The following BTRC variants were observed in gnomAD, a reference collection of about 807,000 sequenced individuals.
BTRC encodes beta-transducin repeat containing E3 ubiquitin protein ligase, also known as F-box/WD repeat-containing protein 1A.
Under a neutral mutation model 85.5 loss-of-function variants are expected in BTRC, and 42 were observed. The ratio of observed to expected loss-of-function variants is 0.49; its 90% CI spans 0.38 to 0.64. The LOEUF is 0.64. Among genes scored for constraint, BTRC ranks in the 30% least tolerant of loss-of-function variants. The probability of loss-of-function intolerance (pLI) is 0.00; values close to 1 mark genes in which losing one functional copy is unlikely to be tolerated. For synonymous variants in BTRC, 255 were observed against 263.3 expected, an observed-to-expected ratio of 0.97 and a Z score of 0.30; for missense variants, 594 against 743.5, an observed-to-expected ratio of 0.80 and a Z score of 2.34.
chr10:101,523,429 A>G (rs925013954), intron 5 of BTRC, among the ~76,000 whole-genome samples: 1 of 152,128 alleles, frequency 6.6e-6, no homozygotes, highest in Non-Finnish European at 1.5e-5. Context: ...GGGGAATGCT[A>G]TTTCAGGAAA....
intron 9 of BTRC, 40 bp downstream of exon 9, chr10:101,533,110 A>G: frequency 7.1e-7 from 1 of 1,407,934 alleles, no homozygotes; most frequent in African/African-American, 1.4e-5. Context: ...CTGAAATATC[A>G]GCTCTGCTCT....
chr10:101,385,199 A>G (rs1943033818), intron 1 of BTRC, among the ~76,000 whole-genome samples: 1 of 124,566 alleles, frequency 8.0e-6, no homozygotes, highest in Non-Finnish European at 1.9e-5. Context: ...TCCTGTCTCT[A>G]AAAAAAAGAA....
At chr10:101,447,651 G>A (rs954609272) in intron 2 of BTRC, among the ~76,000 whole-genome samples, 3 of 152,016 alleles carry the variant, frequency 2.0e-5, no homozygotes, top group African/African-American at 7.2e-5. Flanking sequence ...ATTGATGATA[G>A]CTAATAACAG....
chr10:101,402,092 GTC>G lies in BTRC; in HGVS notation c.49-28247_49-28246del, dbSNP rs1489127944. On this transcript the variant is annotated intron_variant, in intron 1 of 14. Transcript: ENST00000370187. ...TATTAATTTGCTTTGGGTCATTCTA[GTC>G]TCTCTGGTAAATTCATAATTAGGAA... Among the ~76,000 whole-genome samples, 9 of 152,218 alleles carry G rather than the reference GTC, an allele frequency of 5.9e-5. No homozygotes were observed. In the East Asian group the frequency reaches 9.6e-4, roughly 16 times the overall value.
At chr10:101,386,451 GCTAT>G (rs1208869482) in intron 1 of BTRC, among the ~76,000 whole-genome samples, 2 of 152,046 alleles carry the variant, frequency 1.3e-5, no homozygotes, top group African/African-American at 4.8e-5. Context: ...CACTGACAAT[GCTAT>G]CTATCTAATT....
intron 4 of BTRC, among the ~76,000 whole-genome samples, chr10:101,520,135 TTTTGTTTG>T (rs111689841): frequency 5.3e-5 from 8 of 151,152 alleles, no homozygotes; most frequent in South Asian, 2.1e-4. Flanking sequence ...TTTGCTTGTA[TTTTGTTTG>T]TTTGTTTGTT....
intron 1 of BTRC, among the ~76,000 whole-genome samples, chr10:101,401,744 G>A (rs1333461694): frequency 3.3e-5 from 5 of 151,320 alleles, no homozygotes; most frequent in East Asian, 1.9e-4. Flanking sequence ...AGGCTGAGTC[G>A]GGAGGATCTC....
At chr10:101,441,956 A>G (rs1289299287) in intron 2 of BTRC, among the ~76,000 whole-genome samples, 1 of 152,056 alleles carries the variant, frequency 6.6e-6, no homozygotes, top group Non-Finnish European at 1.5e-5. Flanking sequence ...CAATTTAAAT[A>G]ATGTAATTTA....
intron 1 of BTRC, among the ~76,000 whole-genome samples, chr10:101,368,101 AT>A (rs1231718718): frequency 1.3e-5 from 2 of 152,114 alleles, no homozygotes; most frequent in East Asian, 3.8e-4. Context: ...AGGTGTTTGG[AT>A]TATGGAGGTG....
intron 1 of BTRC, among the ~76,000 whole-genome samples, chr10:101,424,763 A>G (rs2134063974): frequency 6.6e-6 from 1 of 152,266 alleles, no homozygotes; most frequent in East Asian, 1.9e-4. Flanking sequence ...TAGATACTAT[A>G]TTCTTCTTGA....
intron 1 of BTRC, among the ~76,000 whole-genome samples, chr10:101,359,679 C>T (rs1048288578): frequency 6.6e-6 from 1 of 151,604 alleles, no homozygotes; most frequent in Non-Finnish European, 1.5e-5. Context: ...CAGTTCACTG[C>T]AACCTCTGCT....
intron 3 of BTRC, 84 bp downstream of exon 3, chr10:101,462,142 T>A: frequency 8.8e-7 from 1 of 1,132,452 alleles, no homozygotes; most frequent in Non-Finnish European, 1.3e-6. Flanking sequence ...TGCCATTCTT[T>A]AAGCACTGGA....
chr10:101,522,681 A>T (rs2062135350), intron 5 of BTRC, among the ~76,000 whole-genome samples: 1 of 149,578 alleles, frequency 6.7e-6, no homozygotes, highest in South Asian at 2.2e-4. Context: ...TTGGCCTCCC[A>T]AAGTGTTGGG....
Position 101,363,390 on chromosome 10 carries a change from A to G in BTRC, c.48+9162A>G, listed in dbSNP as rs181735922. Among the ~76,000 whole-genome samples the G allele has an allele frequency of 1.1e-3, 161 of 152,326 alleles. No individual in the cohort carries two copies. The East Asian group carries it at 0.021, about 20-fold the overall frequency. On this transcript the variant is annotated intron_variant, in intron 1 of 14. Coordinates refer to ENST00000370187, the MANE Select transcript of BTRC (RefSeq NM_033637.4). ...AATATCTGTTAAGGCACACTTTGGT[A>G]AATGCTAAAATAGAAGCACAAAGTG...
chr10:101,387,309 TA>T (rs529161806), intron 1 of BTRC, among the ~76,000 whole-genome samples: 4 of 151,652 alleles, frequency 2.6e-5, no homozygotes, highest in Admixed American at 1.3e-4. Flanking sequence ...CTCAGTCATT[TA>T]TTTTTTTTTG....
chr10:101,354,375 T>G, intron 1 of BTRC, 147 bp downstream of exon 1: 1 of 918,314 alleles, frequency 1.1e-6, no homozygotes, highest in Non-Finnish European at 1.6e-6. Context: ...GGATGGGAGC[T>G]CCAGAAAGGA....
intron 3 of BTRC, among the ~76,000 whole-genome samples, chr10:101,470,206 C>T (rs867341270): frequency 3.1e-4 from 47 of 151,928 alleles, no homozygotes; most frequent in African/African-American, 1.1e-3. Flanking sequence ...TTCTGGATAC[C>T]ATTCATTTGT....
At chr10:101,416,107 T>C (rs1943939888) in intron 1 of BTRC, among the ~76,000 whole-genome samples, 1 of 152,182 alleles carries the variant, frequency 6.6e-6, no homozygotes, top group Admixed American at 6.5e-5. Context: ...CACATGACTG[T>C]ATTTGTCTTT....
chr10:101,432,134 C>CT (rs141993153), intron 2 of BTRC, among the ~76,000 whole-genome samples: 105 of 143,664 alleles, frequency 7.3e-4, no homozygotes, highest in South Asian at 1.3e-3. Context: ...CTTTTTTTTC[C>CT]TTTTTTTTTT....
Sources: gnomAD v4.1 joint callset for allele counts (sites outside exome capture counted in the v4.1 genomes callset) on GRCh38, gnomAD v4.1.1 for gene constraint, MANE v1.5 for transcripts, NCBI Gene and HGNC (gene_info 2026-07-23, HGNC 2026-07-21) for gene names.